ADGRL3: variants seen among roughly 807,000 people sequenced by gnomAD.
ADGRL3 encodes calcium-independent alpha-latrotoxin receptor 3.
A neutral mutation model predicts 153.5 loss-of-function variants in ADGRL3; 62 were observed. That is an observed-to-expected ratio of 0.40 (90% CI 0.33 to 0.50). ADGRL3 has a LOEUF of 0.50. ADGRL3 is among the 20% of genes least tolerant of loss of function. The pLI, the probability that ADGRL3 is intolerant of heterozygous loss-of-function variation, is 0.47. For synonymous variants in ADGRL3, 710 were observed against 672.5 expected, an observed-to-expected ratio of 1.06 and a Z score of -0.86; for missense variants, 1,641 against 1,859.4, an observed-to-expected ratio of 0.88 and a Z score of 2.16.
At chr4:61,538,721 C>A (rs1427514562) in intron 4 of ADGRL3, among the ~76,000 whole-genome samples, 1 of 152,166 alleles carries the variant, frequency 6.6e-6, no homozygotes, top group Non-Finnish European at 1.5e-5. Flanking sequence ...GGATTACAGA[C>A]ATGAGCCACC....
At chr4:61,832,390 G>A (rs532914611) in intron 9 of ADGRL3, among the ~76,000 whole-genome samples, 1 of 152,052 alleles carries the variant, frequency 6.6e-6, no homozygotes, top group East Asian at 1.9e-4. Flanking sequence ...TTTTTCCAGT[G>A]TTTATTTTTC....
At chr4:61,833,958 C>CTTTTTTTTTT (rs113049750) in intron 9 of ADGRL3, among the ~76,000 whole-genome samples, 2 of 123,446 alleles carry the variant, frequency 1.6e-5, no homozygotes, top group Non-Finnish European at 1.8e-5. Flanking sequence ...AAGGCAGCTT[C>CTTTTTTTTTT]TTTTTTTTTT....
At chr4:61,210,768 C>G (rs567545794) in intron 1 of ADGRL3, among the ~76,000 whole-genome samples, 1 of 152,128 alleles carries the variant, frequency 6.6e-6, no homozygotes, top group African/African-American at 2.4e-5. Flanking sequence ...GAATACTGAT[C>G]ATGACTTCAA....
rs186016031 is a variant in ADGRL3, at chr4:62,002,267, G to A, written c.3395+4002G>A. On this transcript the variant is annotated intron_variant, in intron 21 of 26. Coordinates refer to ENST00000683033, the MANE Select transcript of ADGRL3 (RefSeq NM_001387552.1). ...ATTAAACCTCCCTGATCTAGTTGCC[G>A]TTGTCTTTCTTCAGCCTCATTTTAT... is the stretch of plus-strand genomic sequence containing the variant. Among the ~76,000 whole-genome samples, 151 of 145,844 alleles carry A rather than the reference G, an allele frequency of 1.0e-3. 1 individual carries two copies. Among genetic ancestry groups the A allele is most frequent in the African/African-American group, 2.9e-3 (115 of 39,080 alleles).
At position 61,350,512 on chromosome 4, in the gene ADGRL3, A is replaced by G. The variant is rs558375991; in HGVS notation, c.-239-32612A>G. ...TTTATTCCACTTCACAGATACCATG[A>G]TTTTTGCAAATTGAAGATTTGGGAC... On this transcript the variant is annotated intron_variant, in intron 1 of 26. Coordinates refer to ENST00000683033, the MANE Select transcript of ADGRL3 (RefSeq NM_001387552.1). Among the ~76,000 whole-genome samples the G allele has an allele frequency of 2.0e-5, 3 of 152,160 alleles. No homozygotes were observed. In the East Asian group the frequency reaches 5.8e-4, roughly 29 times the overall value.
At chr4:61,668,992 C>A (rs2094900394) in intron 5 of ADGRL3, among the ~76,000 whole-genome samples, 1 of 152,106 alleles carries the variant, frequency 6.6e-6, no homozygotes, top group Non-Finnish European at 1.5e-5. Flanking sequence ...GCACTCCAGC[C>A]TGGACAATGC....
chr4:61,410,416 CTTTAGTG>C (rs1317642374), intron 2 of ADGRL3, among the ~76,000 whole-genome samples: 4 of 151,706 alleles, frequency 2.6e-5, no homozygotes, highest in Non-Finnish European at 5.9e-5. Flanking sequence ...TCTTTAAATA[CTTTAGTG>C]TTTAGTGCAT....
chr4:62,038,046 G>A (rs887986278), intron 24 of ADGRL3, among the ~76,000 whole-genome samples, 190 bp downstream of exon 24: 8 of 152,114 alleles, frequency 5.3e-5, no homozygotes, highest in Non-Finnish European at 1.0e-4. Flanking sequence ...TGAAATTTGA[G>A]TCTGCAAATT....
chr4:61,936,201 G>A (rs372005722), intron 15 of ADGRL3, among the ~76,000 whole-genome samples, 156 bp downstream of exon 15: 11 of 151,704 alleles, frequency 7.3e-5, no homozygotes, highest in Admixed American at 5.9e-4. Flanking sequence ...TCTTTCTACT[G>A]TACAGCACCA....
At chr4:61,254,031 A>G (rs2091730107) in intron 1 of ADGRL3, among the ~76,000 whole-genome samples, 1 of 152,170 alleles carries the variant, frequency 6.6e-6, no homozygotes, top group Non-Finnish European at 1.5e-5. Context: ...ATACTGTACA[A>G]GCAGTCAAGT....
intron 2 of ADGRL3, chr4:61,428,260 A>G (rs1175543088): frequency 1.3e-5 from 2 of 152,516 alleles, no homozygotes; most frequent in Non-Finnish European, 2.9e-5. Flanking sequence ...TGCACTTCAT[A>G]GACAATAGTG....
intron 1 of ADGRL3, among the ~76,000 whole-genome samples, chr4:61,305,439 C>T (rs2094742346): frequency 6.6e-6 from 1 of 151,946 alleles, no homozygotes; most frequent in Non-Finnish European, 1.5e-5. Context: ...GTTGTAAAAT[C>T]AGTGAGGCTT....
chr4:61,990,304 T>C (rs1225036534), intron 19 of ADGRL3, among the ~76,000 whole-genome samples: 1 of 152,000 alleles, frequency 6.6e-6, no homozygotes, highest in Non-Finnish European at 1.5e-5. Flanking sequence ...TATTATATGT[T>C]CCCATATATA....
At chr4:61,469,826 A>G (rs1312065854) in intron 2 of ADGRL3, among the ~76,000 whole-genome samples, 2 of 152,074 alleles carry the variant, frequency 1.3e-5, no homozygotes, top group African/African-American at 4.8e-5. Context: ...AGTCAAAGAT[A>G]ATTCCAAGGT....
At chr4:61,916,823 C>A (rs549597802) in intron 13 of ADGRL3, among the ~76,000 whole-genome samples, 8 of 151,980 alleles carry the variant, frequency 5.3e-5, no homozygotes, top group Non-Finnish European at 1.2e-4. Flanking sequence ...CATGGTGGTA[C>A]ATGCCTGTAA....
intron 17 of ADGRL3, among the ~76,000 whole-genome samples, chr4:61,959,472 C>A (rs1203092967): frequency 6.6e-6 from 1 of 151,916 alleles, no homozygotes; most frequent in Non-Finnish European, 1.5e-5. Context: ...CTATTATCAC[C>A]CCATCCCAAC....
chr4:61,400,775 C>A (rs2096920369), intron 2 of ADGRL3, among the ~76,000 whole-genome samples: 1 of 143,192 alleles, frequency 7.0e-6, no homozygotes, highest in Non-Finnish European at 1.5e-5. Flanking sequence ...GAAAGTAAAC[C>A]AGAAGTGAAA....
chr4:61,578,450 C>T (rs112180023), intron 4 of ADGRL3, among the ~76,000 whole-genome samples: 81 of 152,184 alleles, frequency 5.3e-4, no homozygotes, highest in African/African-American at 1.9e-3. Context: ...CACTCTCTTT[C>T]CTTTAACCCT....
intron 1 of ADGRL3, among the ~76,000 whole-genome samples, chr4:61,339,710 T>G (rs777523841): frequency 1.4e-4 from 21 of 152,228 alleles, no homozygotes; most frequent in Non-Finnish European, 2.4e-4. Context: ...AACATATAGC[T>G]ACATAGCCTT....
Sources: allele counts gnomAD v4.1 joint callset (sites outside exome capture counted in the v4.1 genomes callset), GRCh38; gene constraint gnomAD v4.1.1; transcripts MANE v1.5; gene names NCBI Gene and HGNC (gene_info 2026-07-23, HGNC 2026-07-21).